Variants in PMFBP1 observed in about 807,000 individuals in gnomAD.
The protein encoded by PMFBP1 is polyamine-modulated factor 1-binding protein 1.
PMFBP1 carries 131 observed loss-of-function variants against 137.8 expected under a neutral mutation model. That is an observed-to-expected ratio of 0.95 (90% CI 0.82 to 1.10). PMFBP1 has a LOEUF of 1.10. Ranked by LOEUF, PMFBP1 falls within the 50% of genes least tolerant of loss-of-function variation. PMFBP1 has a pLI of 0.00. For missense variants in PMFBP1, 1,199 were observed against 1,175.4 expected (o/e 1.02, Z -0.29); for synonymous variants, 490 against 450.4 (o/e 1.09, Z -1.11).
chr16:72,130,571 C>T lies in PMFBP1; in HGVS notation c.1599G>A (p.Lys533=). 6.2e-7 allele frequency: 1 copy of T among 1,614,082 alleles called. No homozygotes were observed. Among genetic ancestry groups the T allele is most frequent in the Non-Finnish European group, 8.5e-7 (1 of 1,180,000 alleles). Residue 533 remains lysine (K), a synonymous_variant, in exon 11 of 21, where the codon AAG becomes AAA. Transcript: ENST00000237353. The stretch of plus-strand genomic sequence containing the variant: ...GTTCCTTCTCAGCCATCGAGGACTC[C>T]TTCTGCAGCATCTGAAGTTCTCTCT... The part of the protein sequence containing the change: ...ELQRELQMLQ[K]ESSMAEKEQT...
intron 5 of PMFBP1, among the ~76,000 whole-genome samples, chr16:72,149,452 A>C (rs959195134): frequency 8.5e-5 from 13 of 152,236 alleles, no homozygotes; most frequent in African/African-American, 2.9e-4. Context: ...CGTTTGTAAA[A>C]AAGAGGAAAA....
At chr16:72,123,727 T>C in intron 17 of PMFBP1, 78 bp from the exon 18 acceptor site, 1 of 1,298,476 alleles carries the variant, frequency 7.7e-7, no homozygotes, top group Non-Finnish European at 1.1e-6. Context: ...TCAGGCCTCT[T>C]CTATCTCCCT....
the PMFBP1 span, among the ~76,000 whole-genome samples, chr16:72,231,315 T>C: frequency 6.6e-6 from 1 of 152,170 alleles, no homozygotes; most frequent in Non-Finnish European, 1.5e-5. Context: ...CATACATTAC[T>C]ACAGTCTCTA....
chr16:72,123,540 A>G lies in PMFBP1; in HGVS notation c.2693+6T>C, dbSNP rs1388677814. 6.2e-7 allele frequency: 1 copy of G among 1,612,626 alleles called. No homozygotes were observed. Among genetic ancestry groups the G allele is most frequent in the Admixed American group, 1.7e-5 (1 of 59,868 alleles). On this transcript the variant is annotated splice_donor_region_variant and intron_variant, in intron 18 of 20. Transcript: ENST00000237353. ...ACCCTGCCTCCCTTTTTCCTCCCAT[A>G]CTCACTTCTGCTGTTTTGCCCATTG... is the stretch of plus-strand genomic sequence containing the variant.
intron 9 of PMFBP1, among the ~76,000 whole-genome samples, 183 bp from the exon 10 acceptor site, chr16:72,133,174 T>G (rs1416970149): frequency 6.6e-6 from 1 of 152,054 alleles, no homozygotes. Flanking sequence ...GAGGGAGTCT[T>G]TATAATTATT....
At chr16:72,211,521 G>A in the PMFBP1 span, among the ~76,000 whole-genome samples, 4 of 151,840 alleles carry the variant, frequency 2.6e-5, no homozygotes, top group African/African-American at 9.7e-5. Flanking sequence ...GGATTTTTGA[G>A]GAAAACCTCT....
At chr16:72,239,915 A>AAAAAAAAAAG in the PMFBP1 span, among the ~76,000 whole-genome samples, 76 of 145,016 alleles carry the variant, frequency 5.2e-4, 3 homozygotes, top group Non-Finnish European at 6.7e-4. Flanking sequence ...AAAAAAAAAA[A>AAAAAAAAAAG]AAGAATGTTC....
At chr16:72,130,500 C>A (rs549483104) in intron 11 of PMFBP1, 33 bp downstream of exon 11, 2 of 1,612,376 alleles carry the variant, frequency 1.2e-6, no homozygotes, top group Non-Finnish European at 1.7e-6. Flanking sequence ...AGTGACAGAA[C>A]CTCTCTCTGG....
the PMFBP1 span, among the ~76,000 whole-genome samples, chr16:72,238,124 T>G: frequency 6.6e-6 from 1 of 152,220 alleles, no homozygotes; most frequent in Non-Finnish European, 1.5e-5. Context: ...GCATGTGTCT[T>G]TGTGATAGAA....
chr16:72,235,107 C>A, the PMFBP1 span, among the ~76,000 whole-genome samples: 6 of 152,080 alleles, frequency 3.9e-5, no homozygotes, highest in Admixed American at 3.3e-4. Context: ...ACTAAGAAAC[C>A]ATTGCCTAAC....
downstream of PMFBP1, among the ~76,000 whole-genome samples, chr16:72,118,591 T>C (rs1005154462): frequency 1.3e-5 from 2 of 152,228 alleles, no homozygotes; most frequent in Admixed American, 6.5e-5. Context: ...CCACTTCCTA[T>C]AGACTAGAAA....
At chr16:72,194,106 T>G in the PMFBP1 span, among the ~76,000 whole-genome samples, 1 of 152,160 alleles carries the variant, frequency 6.6e-6, no homozygotes, top group Non-Finnish European at 1.5e-5. Flanking sequence ...CTAATTCTCT[T>G]AAGGTTGGGG....
chr16:72,245,094 C>T, the PMFBP1 span, among the ~76,000 whole-genome samples: 1 of 152,116 alleles, frequency 6.6e-6, no homozygotes, highest in South Asian at 2.1e-4. Context: ...CAGTTTTCTC[C>T]TAGGGCTAAA....
chr16:72,218,675 A>G, the PMFBP1 span, among the ~76,000 whole-genome samples: 2 of 152,372 alleles, frequency 1.3e-5, no homozygotes, highest in Admixed American at 1.3e-4. Context: ...TGTGCAAAAC[A>G]TTCCAGAAAG....
intron 3 of PMFBP1, among the ~76,000 whole-genome samples, chr16:72,156,595 G>A (rs1305745324): frequency 6.6e-6 from 1 of 151,804 alleles, no homozygotes; most frequent in Admixed American, 6.5e-5. Flanking sequence ...ACTCCAGCCT[G>A]AGCGACAGAG....
chr16:72,184,399 C>T, the PMFBP1 span, among the ~76,000 whole-genome samples: 1 of 152,200 alleles, frequency 6.6e-6, no homozygotes, highest in Non-Finnish European at 1.5e-5. Flanking sequence ...AATCTGTAAG[C>T]CTCTACTCCA....
the PMFBP1 span, among the ~76,000 whole-genome samples, chr16:72,234,578 AT>A: frequency 1.3e-5 from 2 of 152,180 alleles, no homozygotes; most frequent in African/African-American, 4.8e-5. Flanking sequence ...CTTACGAATA[AT>A]TATATAAGCT....
At chr16:72,146,086 G>A (rs1490507168) in intron 5 of PMFBP1, among the ~76,000 whole-genome samples, 1 of 152,154 alleles carries the variant, frequency 6.6e-6, no homozygotes, top group African/African-American at 2.4e-5. Flanking sequence ...GAGAATTTTA[G>A]ACCAATATCC....
the PMFBP1 span, among the ~76,000 whole-genome samples, chr16:72,204,703 C>T: frequency 6.6e-6 from 1 of 152,040 alleles, no homozygotes; most frequent in Non-Finnish European, 1.5e-5. Flanking sequence ...CTTGATATAC[C>T]ATTTTTTATT....
Sources: allele counts gnomAD v4.1 joint callset (sites outside exome capture counted in the v4.1 genomes callset), GRCh38; gene constraint gnomAD v4.1.1; transcripts MANE v1.5; gene names NCBI Gene and HGNC (gene_info 2026-07-23, HGNC 2026-07-21).